The following VRK2 variants were observed in gnomAD, a reference collection of about 807,000 sequenced individuals.
VRK2 encodes the protein serine/threonine-protein kinase VRK2.
VRK2 carries 60 observed loss-of-function variants against 57.6 expected under a neutral mutation model. The ratio of observed to expected loss-of-function variants is 1.04; its 90% CI spans 0.85 to 1.29. The LOEUF (loss-of-function observed/expected upper bound fraction) is 1.29, where lower values mean the gene tolerates loss of function less well. Among genes scored for constraint, VRK2 ranks in the 50% most tolerant of loss-of-function variants. The pLI is 0.00. For missense variants in VRK2, 705 were observed against 588.1 expected, an observed-to-expected ratio of 1.20 and a Z score of -2.06; for synonymous variants, 231 against 199.2, an observed-to-expected ratio of 1.16 and a Z score of -1.35.
chr2:58,046,797 G>A (rs1674807222), upstream of VRK2: 1 of 985,636 alleles, frequency 1.0e-6, no homozygotes, highest in Non-Finnish European at 1.2e-6. Context: ...GTAGGCCCGG[G>A]GGCTCCGCCT....
chr2:58,159,621 A>G lies in VRK2; in HGVS notation c.1455A>G (p.Ala485=), dbSNP rs1443946873. 6.2e-7 allele frequency: 1 copy of G among 1,613,792 alleles called. No homozygotes were observed. The highest frequency in any genetic ancestry group is 8.5e-7 in the Non-Finnish European group (1 of 1,179,784). Residue 485 remains alanine, a synonymous_variant, in exon 13 of 13, where the codon GCA becomes GCG. Transcript: ENST00000340157. ...TTACTCTTAGTGAAGAGACAAACGC[A>G]GATGTTTATTATTATCGCATCATCA... The part of the protein sequence containing the change: ...SQFTLSEETN[A]DVYYYRIIIP...
At chr2:58,049,973 A>G (rs890052791) in intron 2 of VRK2, among the ~76,000 whole-genome samples, 2 of 152,212 alleles carry the variant, frequency 1.3e-5, no homozygotes, top group Non-Finnish European at 2.9e-5. Context: ...CAAGATCAGC[A>G]CAAAAAATTG....
chr2:58,043,203 C>T (rs1324249586), upstream of VRK2, among the ~76,000 whole-genome samples: 2 of 152,144 alleles, frequency 1.3e-5, no homozygotes, highest in Non-Finnish European at 2.9e-5. Flanking sequence ...GAACACTTAA[C>T]ACTTCATGGA....
chr2:58,145,165 A>G (rs1322580249), intron 11 of VRK2, among the ~76,000 whole-genome samples: 2 of 151,980 alleles, frequency 1.3e-5, no homozygotes, highest in Non-Finnish European at 2.9e-5. Flanking sequence ...ATCTTCCAAC[A>G]GTGTTGTGGG....
Position 57,921,300 on chromosome 2 carries a change from A to ACACACACACACT in VRK2, c.-439+13473_-439+13484dup, listed in dbSNP as rs1553360335. On this transcript the variant is annotated intron_variant, in intron 1 of 15. Coordinates refer to the VRK2 transcript ENST00000417641. The stretch of plus-strand genomic sequence containing the variant: ...TTCTTAAGCGCGCACACACACACAC[A>ACACACACACACT]CACACACACACTCACACACACACAC... 9.6e-3 allele frequency among the ~76,000 whole-genome samples: 1,458 copies of ACACACACACACT among 151,576 alleles called. 23 individuals carry two copies. Among genetic ancestry groups the ACACACACACACT allele is most frequent in the African/African-American group, 0.033 (1,365 of 41,242 alleles).
At chr2:58,146,836 C>T (rs897580160) in intron 12 of VRK2, among the ~76,000 whole-genome samples, 3 of 151,822 alleles carry the variant, frequency 2.0e-5, no homozygotes, top group African/African-American at 7.3e-5. Flanking sequence ...GAAGTGTTTC[C>T]CTGTCAATGT....
chr2:58,058,262 C>T, intron 2 of VRK2: 5 of 442,856 alleles, frequency 1.1e-5, no homozygotes, highest in South Asian at 8.4e-5. Context: ...TTCTATTTAA[C>T]TTTTGGGAAT....
chr2:57,997,453 ATTATT>A lies in VRK2; in HGVS notation c.-438-28208_-438-28204del, dbSNP rs915041668. ...AAACTACTATGCATTGAAGTGACGG[ATTATT>A]TTAAGTTACAAAGTTAAAGTTAAAA... On this transcript the variant is annotated intron_variant, in intron 1 of 15. Coordinates refer to the VRK2 transcript ENST00000417641. Among the ~76,000 whole-genome samples the A allele has an allele frequency of 7.3e-4, 111 of 152,290 alleles. 1 individual carries two copies. The highest frequency in any genetic ancestry group is 2.5e-3 in the African/African-American group (102 of 41,560).
In VRK2 at chr2:58,146,421, A is replaced by C; in HGVS notation, c.1129A>C (p.Lys377Gln). ...AAGCGCTGAGTCCTGTGCAACATGGAAAGTGCAGAAAGAGGAGAAACTGAT... is the reference window on the plus strand; with the variant it reads ...AAGCGCTGAGTCCTGTGCAACATGGCAAGTGCAGAAAGAGGAGAAACTGAT... ...ERSAESCATW[K>Q]VQKEEKLIGL... The change falls in exon 12 of 13, where the codon AAA becomes CAA. Residue 377 changes from lysine (K) to glutamine (Q), a missense_variant. Transcript: ENST00000340157. The C allele has an allele frequency of 6.2e-7, 1 of 1,611,842 alleles. No individual in the cohort carries two copies. The highest frequency in any genetic ancestry group is 1.7e-5 in the Admixed American group (1 of 59,844).
intron 2 of VRK2, among the ~76,000 whole-genome samples, chr2:58,053,336 C>T (rs1375420490): frequency 6.6e-6 from 1 of 152,104 alleles, no homozygotes; most frequent in Non-Finnish European, 1.5e-5. Context: ...TGTGGTGAAG[C>T]CTGAAAATCA....
intron 7 of VRK2, among the ~76,000 whole-genome samples, chr2:58,106,828 T>TA (rs1379811214): frequency 1.3e-5 from 2 of 152,138 alleles, no homozygotes; most frequent in Non-Finnish European, 2.9e-5. Context: ...ATGCTTATTC[T>TA]AATAAACCTC....
chr2:58,101,249 GT>G (rs1303936715), intron 7 of VRK2, among the ~76,000 whole-genome samples: 7 of 151,542 alleles, frequency 4.6e-5, no homozygotes, highest in African/African-American at 1.7e-4. Context: ...GATTTTTTCA[GT>G]TTTTTATTTT....
At chr2:57,944,228 A>C (rs1170195749) in intron 1 of VRK2, among the ~76,000 whole-genome samples, 2 of 152,186 alleles carry the variant, frequency 1.3e-5, no homozygotes, top group Non-Finnish European at 2.9e-5. Flanking sequence ...GGGGTTATGA[A>C]CTCAAGGTTT....
At chr2:58,005,614 A>ATAT (rs762976888) in intron 1 of VRK2, among the ~76,000 whole-genome samples, 8 of 152,310 alleles carry the variant, frequency 5.3e-5, no homozygotes, top group Middle Eastern at 6.8e-3. Flanking sequence ...GAAGAAGAAA[A>ATAT]ATATAAAACA....
At chr2:58,131,732 A>C (rs1024901663) in intron 8 of VRK2, 76 bp from the exon 9 acceptor site, 4 of 1,467,294 alleles carry the variant, frequency 2.7e-6, no homozygotes, top group Non-Finnish European at 3.6e-6. Context: ...CATCAGTAGT[A>C]GTTCAACCAA....
chr2:57,922,175 C>T (rs1051893021), intron 1 of VRK2, among the ~76,000 whole-genome samples: 2 of 151,948 alleles, frequency 1.3e-5, no homozygotes, highest in Non-Finnish European at 2.9e-5. Flanking sequence ...ACAATTCACT[C>T]TTCTAAGGAT....
Position 58,118,813 on chromosome 2 carries a change from T to C in VRK2, c.544-4288T>C, listed in dbSNP as rs561555639. Among the ~76,000 whole-genome samples the C allele has an allele frequency of 2.1e-3, 326 of 152,116 alleles. 2 individuals carry two copies. Among genetic ancestry groups the C allele is most frequent in the Middle Eastern group, 6.8e-3 (2 of 294 alleles). ...CGAAAAGAGAGTCAGCGAAGGGAGA[T>C]AGGGGTGGGGCCGTTTTATAGGATT... On this transcript the variant is annotated intron_variant, in intron 7 of 12. Transcript: ENST00000340157.
chr2:57,989,312 G>T (rs1402262661), intron 1 of VRK2, among the ~76,000 whole-genome samples: 1 of 152,132 alleles, frequency 6.6e-6, no homozygotes, highest in Non-Finnish European at 1.5e-5. Context: ...GAAAGTGATT[G>T]GGTGGTATTT....
intron 1 of VRK2, among the ~76,000 whole-genome samples, chr2:58,019,987 T>C (rs983755979): frequency 6.6e-6 from 1 of 151,686 alleles, no homozygotes; most frequent in East Asian, 1.9e-4. Context: ...CAACGTGACA[T>C]AACTACGAAT....
Sources: gnomAD v4.1 joint callset for allele counts (sites outside exome capture counted in the v4.1 genomes callset) on GRCh38, gnomAD v4.1.1 for gene constraint, MANE v1.5 for transcripts, NCBI Gene and HGNC (gene_info 2026-07-23, HGNC 2026-07-21) for gene names.